Variants in GABPB1 observed in about 807,000 individuals in gnomAD.
GABPB1 encodes the protein GA-binding protein subunit beta-1.
GABPB1 carries 15 observed loss-of-function variants against 45.9 expected under a neutral mutation model. The ratio of observed to expected loss-of-function variants is 0.33; its 90% CI spans 0.22 to 0.50. GABPB1 has a LOEUF of 0.50. GABPB1 is among the 20% of genes least tolerant of loss of function. The pLI, the probability that GABPB1 is intolerant of heterozygous loss-of-function variation, is 0.98. For missense variants in GABPB1, 252 were observed against 457.5 expected (o/e 0.55, Z 4.10); for synonymous variants, 143 against 154.4 (o/e 0.93, Z 0.55).
intron 1 of GABPB1, chr15:50,353,881 A>T: frequency 6.5e-6 from 1 of 153,490 alleles, no homozygotes; most frequent in Non-Finnish European, 1.5e-5. Context: ...AACTTGCCTG[A>T]ATTGAGAGAG....
At chr15:50,336,507 C>CA (rs202181324) in intron 1 of GABPB1, among the ~76,000 whole-genome samples, 1 of 150,730 alleles carries the variant, frequency 6.6e-6, no homozygotes, top group African/African-American at 2.5e-5. Flanking sequence ...TCCATCTCTA[C>CA]AAAAAAATTT....
At chr15:50,299,684 C>T (rs2046658423) in intron 6 of GABPB1, among the ~76,000 whole-genome samples, 1 of 152,142 alleles carries the variant, frequency 6.6e-6, no homozygotes, top group African/African-American at 2.4e-5. Flanking sequence ...CAGGAGCAAG[C>T]CACCGCACCC....
intron 1 of GABPB1, among the ~76,000 whole-genome samples, chr15:50,321,782 C>G (rs962814488): frequency 2.0e-5 from 3 of 151,600 alleles, no homozygotes; most frequent in Non-Finnish European, 4.4e-5. Flanking sequence ...TCCAGAAATA[C>G]TTGGAACCAA....
chr15:50,319,229 TA>T (rs2047464881), intron 1 of GABPB1, among the ~76,000 whole-genome samples: 2 of 152,342 alleles, frequency 1.3e-5, no homozygotes, highest in African/African-American at 2.4e-5. Context: ...TAAGAAGGCT[TA>T]TTTTTTTACT....
At chr15:50,309,577 T>C in intron 2 of GABPB1, 114 bp downstream of exon 2, 2 of 648,444 alleles carry the variant, frequency 3.1e-6, no homozygotes, top group Non-Finnish European at 2.7e-6. Flanking sequence ...TAAACACATT[T>C]GCAAAAATAA....
At chr15:50,333,444 C>A (rs549185496) in intron 1 of GABPB1, among the ~76,000 whole-genome samples, 5 of 152,054 alleles carry the variant, frequency 3.3e-5, no homozygotes, top group Admixed American at 6.6e-5. Flanking sequence ...ATTTTTAGCT[C>A]AGTGAGCCAT....
intron 8 of GABPB1, among the ~76,000 whole-genome samples, chr15:50,285,277 C>T (rs1416704475): frequency 6.6e-6 from 1 of 152,062 alleles, no homozygotes; most frequent in Non-Finnish European, 1.5e-5. Context: ...CAGTTTGGGA[C>T]ACAATAAAAC....
In GABPB1 at chr15:50,286,087, A is replaced by G; in HGVS notation, c.980T>C (p.Val327Ala). 1.2e-6 allele frequency: 2 copies of G among 1,612,328 alleles called. No individual in the cohort carries two copies. The highest frequency in any genetic ancestry group is 1.7e-6 in the Non-Finnish European group (2 of 1,179,134). Residue 327 changes from valine to alanine, a missense_variant, in exon 8 of 9, where the codon GTG becomes GCG. Val to Ala is a moderately conservative substitution (Grantham distance 64). Transcript: ENST00000380877. Reference protein sequence around the residue: ...RQCIEIIENRVESAEIEEREA... With the variant: ...RQCIEIIENRAESAEIEEREA... ...CCTTACTTCTATTTCTGCAGATTCC[A>G]CCCGGTTTTCAATTATTTCGATACA... is the stretch of plus-strand genomic sequence containing the variant.
intron 7 of GABPB1, among the ~76,000 whole-genome samples, chr15:50,287,652 C>G (rs1199132294): frequency 1.3e-5 from 2 of 152,176 alleles, no homozygotes; most frequent in African/African-American, 4.8e-5. Context: ...TTTTAGCCTT[C>G]AGAGCTGTGA....
chr15:50,331,641 C>T (rs976644315), intron 1 of GABPB1, among the ~76,000 whole-genome samples: 4 of 152,118 alleles, frequency 2.6e-5, no homozygotes, highest in African/African-American at 4.8e-5. Flanking sequence ...ATGTGATTTA[C>T]ATTGTTAAGA....
At chr15:50,284,035 G>GGAAT (rs2046080161) in intron 8 of GABPB1, among the ~76,000 whole-genome samples, 1 of 152,078 alleles carries the variant, frequency 6.6e-6, no homozygotes. Flanking sequence ...ACATGTCAGT[G>GGAAT]GAATGCCACT....
chr15:50,302,281 T>C (rs2046778012), intron 4 of GABPB1, among the ~76,000 whole-genome samples: 1 of 152,166 alleles, frequency 6.6e-6, no homozygotes, highest in African/African-American at 2.4e-5. Flanking sequence ...TTTTTTAATT[T>C]TTATAAAGTC....
At position 50,276,396 on chromosome 15, in the gene GABPB1, C is replaced by G. The variant is rs2140952817; in HGVS notation, c.*2236G>C. ...AATTCTTGTCTAAGTAGTGATTTTACAGAACAGTAAATCAGATGTAAATGA... is the reference window on the plus strand; with the variant it reads ...AATTCTTGTCTAAGTAGTGATTTTAGAGAACAGTAAATCAGATGTAAATGA... On this transcript the variant is annotated 3_prime_UTR_variant, in exon 9 of 9. Coordinates refer to ENST00000380877, the MANE Select transcript of GABPB1 (RefSeq NM_016654.5). 1 of 152,240 alleles carries G rather than the reference C, an allele frequency of 6.6e-6. No individual in the cohort carries two copies. The highest frequency in any genetic ancestry group is 2.1e-4 in the South Asian group (1 of 4,828). 9.4% of individuals were successfully genotyped at this position (152,240 alleles called of 1,614,324 possible).
At chr15:50,282,474 A>T in intron 8 of GABPB1, 1 of 309,942 alleles carries the variant, frequency 3.2e-6, no homozygotes, top group Non-Finnish European at 6.2e-6. Flanking sequence ...AGCTTGCTTG[A>T]GCCCAGGAGT....
chr15:50,350,010 CACTT>C (rs2048761170), intron 1 of GABPB1: 1 of 152,084 alleles, frequency 6.6e-6, no homozygotes, highest in African/African-American at 2.4e-5. Flanking sequence ...TATTTTTTCT[CACTT>C]ACATATACCA....
intron 8 of GABPB1, among the ~76,000 whole-genome samples, chr15:50,285,460 T>A (rs1421046957): frequency 6.6e-6 from 1 of 152,146 alleles, no homozygotes; most frequent in Non-Finnish European, 1.5e-5. Flanking sequence ...TGGAACAAAA[T>A]TTATTTACAG....
chr15:50,313,045 G>A (rs1010032522), intron 1 of GABPB1, among the ~76,000 whole-genome samples: 1 of 151,974 alleles, frequency 6.6e-6, no homozygotes, highest in African/African-American at 2.4e-5. Context: ...ATAAAAATGT[G>A]CAACTTCTAC....
intron 1 of GABPB1, among the ~76,000 whole-genome samples, chr15:50,326,412 C>A (rs942023965): frequency 6.7e-6 from 1 of 149,416 alleles, no homozygotes; most frequent in South Asian, 2.1e-4. Flanking sequence ...AATCCCAGCA[C>A]TTTGGGAGGC....
At chr15:50,298,730 A>T (rs191682689) in intron 6 of GABPB1, among the ~76,000 whole-genome samples, 20 of 152,340 alleles carry the variant, frequency 1.3e-4, no homozygotes, top group African/African-American at 3.6e-4. Context: ...AGGAAGGCAG[A>T]TCACTGAGGT....
Sources: gnomAD v4.1 joint callset for allele counts (sites outside exome capture counted in the v4.1 genomes callset) on GRCh38, gnomAD v4.1.1 for gene constraint, MANE v1.5 for transcripts, NCBI Gene and HGNC (gene_info 2026-07-23, HGNC 2026-07-21) for gene names.